Variants in CNTN4 observed in about 807,000 individuals in gnomAD.
The protein encoded by CNTN4 is contactin-4.
Under a neutral mutation model 122.5 loss-of-function variants are expected in CNTN4, and 77 were observed. That is an observed-to-expected ratio of 0.63 (90% CI 0.52 to 0.76). The LOEUF is 0.76. CNTN4 is among the 30% of genes least tolerant of loss of function. The pLI is 0.00. For synonymous variants in CNTN4, 512 were observed against 447.0 expected, an observed-to-expected ratio of 1.15 and a Z score of -1.83; for missense variants, 1,256 against 1,259.1, an observed-to-expected ratio of 1.00 and a Z score of 0.04.
At chr3:2,165,212 A>G (rs1452508448) in intron 2 of CNTN4, among the ~76,000 whole-genome samples, 2 of 151,804 alleles carry the variant, frequency 1.3e-5, no homozygotes, top group Non-Finnish European at 2.9e-5. Context: ...AATCCCAGCT[A>G]CTCCAGAGGC....
chr3:2,100,650 T>G lies in CNTN4; in HGVS notation c.-145+11T>G, dbSNP rs1333084899. On this transcript the variant is annotated intron_variant, in intron 2 of 24. Coordinates refer to ENST00000418658, the MANE Select transcript of CNTN4 (RefSeq NM_175607.3). ...AAATTCACGTTACCCGTAAGTTTAT[T>G]CTTGCTATTTTTATCTTGATTTCTT... 2 of 152,264 alleles carry G rather than the reference T, an allele frequency of 1.3e-5. No individual in the cohort carries two copies. Among genetic ancestry groups the G allele is most frequent in the Non-Finnish European group, 2.9e-5 (2 of 68,052 alleles). 9.4% of individuals were successfully genotyped at this position (152,264 alleles called of 1,614,324 possible).
At chr3:2,523,337 T>A (rs1197055416) in intron 3 of CNTN4, among the ~76,000 whole-genome samples, 4 of 140,498 alleles carry the variant, frequency 2.8e-5, no homozygotes, top group African/African-American at 7.9e-5. Context: ...GTGACAAATC[T>A]CAGGAAAGCA....
chr3:2,916,785 AGG>A (rs1228205214), intron 12 of CNTN4, among the ~76,000 whole-genome samples: 1 of 149,576 alleles, frequency 6.7e-6, no homozygotes, highest in Non-Finnish European at 1.5e-5. Flanking sequence ...GGCCGGGCAG[AGG>A]GGCCCCCCAC....
intron 3 of CNTN4, among the ~76,000 whole-genome samples, chr3:2,485,868 TAAAATGGACCAATCAGC>T (rs993186895): frequency 3.4e-4 from 51 of 152,166 alleles, no homozygotes; most frequent in African/African-American, 1.2e-3. Context: ...CAGCTCTCTG[TAAAATGGACCAATCAGC>T]AGGAAGTGGG....
chr3:2,227,814 A>T (rs978484070), intron 2 of CNTN4, among the ~76,000 whole-genome samples: 1 of 152,118 alleles, frequency 6.6e-6, no homozygotes, highest in Non-Finnish European at 1.5e-5. Flanking sequence ...TTTATTGAAA[A>T]TTGTTTCTAC....
chr3:2,558,678 G>C (rs780947841), intron 3 of CNTN4, among the ~76,000 whole-genome samples: 1 of 152,064 alleles, frequency 6.6e-6, no homozygotes, highest in Non-Finnish European at 1.5e-5. Context: ...TTTAGACAAA[G>C]ACACATAAAT....
At chr3:2,118,298 A>G (rs2033509421) in intron 2 of CNTN4, among the ~76,000 whole-genome samples, 1 of 152,228 alleles carries the variant, frequency 6.6e-6, no homozygotes, top group African/African-American at 2.4e-5. Context: ...ATTGTGAGCT[A>G]AAGCTCTTAA....
At chr3:2,152,458 C>G (rs2035534399) in intron 2 of CNTN4, among the ~76,000 whole-genome samples, 1 of 151,974 alleles carries the variant, frequency 6.6e-6, no homozygotes, top group Non-Finnish European at 1.5e-5. Context: ...GACTTGTTAG[C>G]AGAATAATGG....
intron 4 of CNTN4, among the ~76,000 whole-genome samples, chr3:2,694,416 A>G (rs778474684): frequency 5.3e-5 from 8 of 152,218 alleles, no homozygotes; most frequent in Non-Finnish European, 1.0e-4. Context: ...ATACTTCTTT[A>G]CATTCCCAGA....
At chr3:2,147,519 A>G (rs1238068606) in intron 2 of CNTN4, among the ~76,000 whole-genome samples, 2 of 152,056 alleles carry the variant, frequency 1.3e-5, no homozygotes, top group Non-Finnish European at 2.9e-5. Context: ...ATGACCACCT[A>G]TTGTAACATC....
At position 3,040,021 on chromosome 3, in the gene CNTN4, C is replaced by A. The variant is rs1309601943; in HGVS notation, c.2164-16C>A. On this transcript the variant is annotated splice_polypyrimidine_tract_variant and intron_variant, in intron 19 of 24. Coordinates refer to ENST00000418658, the MANE Select transcript of CNTN4 (RefSeq NM_175607.3). ...AACTACTGTGATTTCTGAAGACCAC[C>A]TTCCTTCTTTCCCAGACGGTCCCTG... is the stretch of plus-strand genomic sequence containing the variant. 1.9e-6 allele frequency: 3 copies of A among 1,567,210 alleles called. No individual in the cohort carries two copies. Among genetic ancestry groups the A allele is most frequent in the Non-Finnish European group, 2.6e-6 (3 of 1,137,044 alleles).
At chr3:2,621,598 T>A (rs2081993483) in intron 4 of CNTN4, among the ~76,000 whole-genome samples, 1 of 152,118 alleles carries the variant, frequency 6.6e-6, no homozygotes, top group Non-Finnish European at 1.5e-5. Context: ...TATACCTATG[T>A]AACAAACCTG....
chr3:2,883,823 G>A (rs1476644408), intron 9 of CNTN4, among the ~76,000 whole-genome samples: 2 of 152,162 alleles, frequency 1.3e-5, no homozygotes, highest in Non-Finnish European at 2.9e-5. Flanking sequence ...CTTGAGAAAA[G>A]CCTACTTCTA....
intron 4 of CNTN4, among the ~76,000 whole-genome samples, chr3:2,627,812 A>G (rs922946139): frequency 6.6e-6 from 1 of 152,170 alleles, no homozygotes; most frequent in Non-Finnish European, 1.5e-5. Context: ...TTTTCCCCAC[A>G]AATGCATCAA....
intron 4 of CNTN4, among the ~76,000 whole-genome samples, chr3:2,734,808 A>G (rs2088962527): frequency 6.6e-6 from 1 of 152,164 alleles, no homozygotes; most frequent in Non-Finnish European, 1.5e-5. Flanking sequence ...AAGGCTGGTT[A>G]TGAAGTTTTT....
chr3:2,727,058 C>T (rs1351582738), intron 4 of CNTN4, among the ~76,000 whole-genome samples: 1 of 152,166 alleles, frequency 6.6e-6, no homozygotes, highest in Non-Finnish European at 1.5e-5. Context: ...AGTAAACATT[C>T]CATGAGGGCA....
At chr3:2,125,894 G>GGTGTGTGTGTGTGTGTGTGTGT (rs61706367) in intron 2 of CNTN4, among the ~76,000 whole-genome samples, 4 of 143,374 alleles carry the variant, frequency 2.8e-5, no homozygotes, top group African/African-American at 1.0e-4. Context: ...TTTTATTTCT[G>GGTGTGTGTGTGTGTGTGTGTGT]GTGTGTGTGT....
At chr3:2,725,330 G>T in intron 4 of CNTN4, among the ~76,000 whole-genome samples, 1 of 152,052 alleles carries the variant, frequency 6.6e-6, no homozygotes. Flanking sequence ...CCTGCACCCC[G>T]TCCCCAAATC....
At chr3:2,897,478 T>C (rs1020855566) in intron 10 of CNTN4, among the ~76,000 whole-genome samples, 1 of 151,874 alleles carries the variant, frequency 6.6e-6, no homozygotes, top group African/African-American at 2.4e-5. Context: ...TCTGAAATAA[T>C]AGTATTGAAC....
Sources: allele counts gnomAD v4.1 joint callset (sites outside exome capture counted in the v4.1 genomes callset), GRCh38; gene constraint gnomAD v4.1.1; transcripts MANE v1.5; gene names NCBI Gene and HGNC (gene_info 2026-07-23, HGNC 2026-07-21).